The following SNRNP200 variants were observed in gnomAD, a reference collection of about 807,000 sequenced individuals.
The protein encoded by SNRNP200 is U5 small nuclear ribonucleoprotein 200 kDa helicase.
SNRNP200 carries 66 observed loss-of-function variants against 255.2 expected under a neutral mutation model. That is an observed-to-expected ratio of 0.26 (90% confidence interval 0.21 to 0.32). SNRNP200 has a LOEUF of 0.32. Ranked by LOEUF, SNRNP200 falls within the 10% of genes least tolerant of loss-of-function variation. The pLI, the probability that SNRNP200 is intolerant of heterozygous loss-of-function variation, is 1.00. For synonymous variants in SNRNP200, 939 were observed against 1,027.8 expected (o/e 0.91, Z 1.65); for missense variants, 1,585 against 2,749.8 (o/e 0.58, Z 9.47).
chr2:96,275,416 G>A (rs967769203), intron 43 of SNRNP200, 67 bp from the exon 44 acceptor site: 2 of 1,325,724 alleles, frequency 1.5e-6, no homozygotes, highest in African/African-American at 2.9e-5. Flanking sequence ...CCATGAAAAT[G>A]GTACAGTTAC....
At chr2:96,279,708 C>T in intron 35 of SNRNP200, 149 bp from the exon 36 acceptor site, 1 of 672,542 alleles carries the variant, frequency 1.5e-6, no homozygotes. Flanking sequence ...TGAATCTCTG[C>T]ACTTACAACT....
chr2:96,297,460 C>T lies in SNRNP200; in HGVS notation c.1280G>A (p.Arg427His), dbSNP rs757620737. The change falls in exon 11 of 45, where the codon CGC (arginine) becomes CAC (histidine). Residue 427 changes from arginine to histidine, a missense_variant. Coordinates refer to ENST00000323853, the MANE Select transcript of SNRNP200 (RefSeq NM_014014.5). ...TQGSHFMANK[R>H]CQLPDGSFRR... ...GAAGGATCCATCAGGAAGCTGACAGCGTTTATTGGCCATAAAGTGGCTCCC... is the reference window on the plus strand; with the variant it reads ...GAAGGATCCATCAGGAAGCTGACAGTGTTTATTGGCCATAAAGTGGCTCCC... 6.2e-7 allele frequency: 1 copy of T among 1,614,148 alleles called. No individual in the cohort carries two copies. Among genetic ancestry groups the T allele is most frequent in the Non-Finnish European group, 8.5e-7 (1 of 1,180,028 alleles).
At chr2:96,279,108 C>T in intron 36 of SNRNP200, 110 bp from the exon 37 acceptor site, 1 of 865,120 alleles carries the variant, frequency 1.2e-6, no homozygotes, top group Non-Finnish European at 1.9e-6. Flanking sequence ...CTAACTAATA[C>T]CAAAATGGAA....
intron 14 of SNRNP200, among the ~76,000 whole-genome samples, 169 bp from the exon 15 acceptor site, chr2:96,293,678 T>A (rs2063899013): frequency 6.6e-6 from 1 of 152,166 alleles, no homozygotes; most frequent in South Asian, 2.1e-4. Context: ...CATGAAATAC[T>A]CCAGAAAGTA....
intron 9 of SNRNP200, 78 bp from the exon 10 acceptor site, chr2:96,297,798 G>C: frequency 6.7e-7 from 1 of 1,490,466 alleles, no homozygotes; most frequent in Non-Finnish European, 9.3e-7. Flanking sequence ...CCCCTGCTTA[G>C]CTAATACTTG....
rs549432043 is a variant in SNRNP200, at chr2:96,284,272, C to T, written c.4392+86G>A. 221 of 1,218,560 alleles carry T rather than the reference C, an allele frequency of 1.8e-4. No homozygotes were observed. The South Asian group carries it at 2.5e-3, about 14-fold the overall frequency. The allele number at this position is 1,218,560 out of a possible 1,614,324, so 75.5% of individuals were successfully genotyped here. ...CCTCTGGGGAGAAGCCCCGAGCCTCCGTCCTCAGACCCAAACATTAGGTCC... is the reference window on the plus strand; with the variant it reads ...CCTCTGGGGAGAAGCCCCGAGCCTCTGTCCTCAGACCCAAACATTAGGTCC... On this transcript the variant is annotated intron_variant, in intron 31 of 44. Transcript: ENST00000323853.
intron 30 of SNRNP200, 22 bp downstream of exon 30, chr2:96,285,158 A>G (rs2063836668): frequency 3.7e-6 from 6 of 1,613,598 alleles, no homozygotes; most frequent in Non-Finnish European, 5.1e-6. Context: ...GGAAATTCAC[A>G]TGACACAGCG....
chr2:96,288,073 C>T, intron 24 of SNRNP200, 104 bp from the exon 25 acceptor site: 1 of 1,019,132 alleles, frequency 9.8e-7, no homozygotes, highest in Non-Finnish European at 1.5e-6. Context: ...ACACAACCAC[C>T]CACCCTAACT....
rs1231354485 is a variant in SNRNP200, at chr2:96,277,132, T to C, written c.6041A>G (p.Tyr2014Cys). The change falls in exon 42 of 45, where the codon TAC becomes TGC. Residue 2014 changes from tyrosine to cysteine, a missense_variant. This residue lies in a region of SNRNP200 where 279 missense variants were observed against 551.2 expected (regional missense o/e 0.51). Coordinates refer to ENST00000323853, the MANE Select transcript of SNRNP200 (RefSeq NM_014014.5). The surrounding 1 kb of genome is among the most constrained non-coding windows in gnomAD (Gnocchi z 4.4). ...CTCATAAGATAGTTCGATATTAGGG[T>C]AGCGGTTACAAAAGCGAGCCACATC... Reference protein sequence around the residue: ...IADVARFCNRYPNIELSYEVV... With the variant: ...IADVARFCNRCPNIELSYEVV... 1 of 1,614,046 alleles carries C rather than the reference T, an allele frequency of 6.2e-7. No individual in the cohort carries two copies. The highest frequency in any genetic ancestry group is 1.3e-5 in the African/African-American group (1 of 74,904).
rs145902532 is a variant in SNRNP200, at chr2:96,295,536, G to T, written c.1794C>A (p.Arg598=). The change falls in exon 14 of 45, where the codon CGC becomes CGA. Residue 598 remains arginine (R), a synonymous_variant. Transcript: ENST00000323853. ...GGGTGTAGGTGCGCTCACCACCCTTGCGGGTGATGATGTCCCACTTCTCGG... is the reference window on the plus strand; with the variant it reads ...GGGTGTAGGTGCGCTCACCACCCTTTCGGGTGATGATGTCCCACTTCTCGG... ...CTPEKWDIIT[R]KGGERTYTQL... is the part of the protein sequence containing the mutation. 4.3e-5 allele frequency: 69 copies of T among 1,613,832 alleles called. No individual in the cohort carries two copies. In the African/African-American group the frequency reaches 7.3e-4, roughly 17 times the overall value.
At chr2:96,299,227 C>T in intron 6 of SNRNP200, 102 bp downstream of exon 6, 1 of 1,141,774 alleles carries the variant, frequency 8.8e-7, no homozygotes, top group Non-Finnish European at 1.3e-6. Context: ...TTCACTCCAG[C>T]AAAAAGTGGC....
chr2:96,277,476 C>T lies in SNRNP200; in HGVS notation c.5931+63G>A. On this transcript the variant is annotated intron_variant, in intron 41 of 44. Coordinates refer to ENST00000323853, the MANE Select transcript of SNRNP200 (RefSeq NM_014014.5). This position sits in a 1 kb window ranked among gnomAD's most constrained non-coding sequence, Gnocchi z 4.4. ...TGAGACTCACCTCCCGCAACCCACG[C>T]TCGGTCCACAACACTGGGCTCTCAG... 6.3e-7 allele frequency: 1 copy of T among 1,593,126 alleles called. No individual in the cohort carries two copies. The highest frequency in any genetic ancestry group is 2.2e-5 in the East Asian group (1 of 44,824).
At position 96,291,720 on chromosome 2, in the gene SNRNP200, G is replaced by C. The variant is rs775225541; in HGVS notation, c.2310+31C>G. The C allele has an allele frequency of 5.6e-6, 9 of 1,613,126 alleles. No individual in the cohort carries two copies. In the East Asian group the frequency reaches 2.0e-4, roughly 36 times the overall value. The stretch of plus-strand genomic sequence containing the variant: ...TGAGATGGACACAGCTGCCAGGTAG[G>C]AATGAGAGAACCCAGCTGGCCCCTC... On this transcript the variant is annotated intron_variant, in intron 17 of 44. Transcript: ENST00000323853. This position sits in a 1 kb window ranked among gnomAD's most constrained non-coding sequence, Gnocchi z 4.2.
At chr2:96,292,386 CTTCTT>C (rs1160334940) in intron 16 of SNRNP200, among the ~76,000 whole-genome samples, 16 of 152,208 alleles carry the variant, frequency 1.1e-4, no homozygotes, top group African/African-American at 2.9e-4. Flanking sequence ...AATTCATATG[CTTCTT>C]TTCATCAGAC....
chr2:96,299,622 T>A (rs56742757), intron 5 of SNRNP200, among the ~76,000 whole-genome samples, 195 bp from the exon 6 acceptor site: 1 of 152,178 alleles, frequency 6.6e-6, no homozygotes, highest in Non-Finnish European at 1.5e-5. Context: ...TTATTAGATA[T>A]ATCTACTTTC....
intron 43 of SNRNP200, among the ~76,000 whole-genome samples, chr2:96,275,965 C>T (rs972222180): frequency 1.5e-4 from 23 of 152,192 alleles, no homozygotes; most frequent in African/African-American, 4.8e-4. Context: ...GAGATCGCGC[C>T]ACTGCAGTCC....
At position 96,275,164 on chromosome 2, in the gene SNRNP200, A is replaced by G; in HGVS notation, c.6268-9T>C. The G allele has an allele frequency of 6.2e-7, 1 of 1,614,242 alleles. No homozygotes were observed. Among genetic ancestry groups the G allele is most frequent in the East Asian group, 2.2e-5 (1 of 44,892 alleles). ...ACAAAGTCCAACTTCACCTAGAAAG[A>G]GCAGGCAGAAATCAAGATGAGCATG... On this transcript the variant is annotated splice_polypyrimidine_tract_variant and intron_variant, in intron 44 of 44. Transcript: ENST00000323853.
chr2:96,303,046 CTCA>C, intron 3 of SNRNP200, 110 bp downstream of exon 3: 1 of 1,161,068 alleles, frequency 8.6e-7, no homozygotes, highest in South Asian at 1.2e-5. Context: ...CATCAGTCAA[CTCA>C]TCAGCATACA....
At chr2:96,284,668 A>G in intron 30 of SNRNP200, 83 bp from the exon 31 acceptor site, 1 of 943,910 alleles carries the variant, frequency 1.1e-6, no homozygotes, top group Non-Finnish European at 1.7e-6. Flanking sequence ...TGAGATGCCA[A>G]ACAGACCTGT....
Sources: allele counts gnomAD v4.1 joint callset (sites outside exome capture counted in the v4.1 genomes callset), GRCh38; gene constraint gnomAD v4.1.1; regional missense constraint gnomAD v4.1.1; non-coding constraint Gnocchi (gnomAD v3.1); transcripts MANE v1.5; gene names NCBI Gene and HGNC (gene_info 2026-07-23, HGNC 2026-07-21).